Variants in TMIGD3 observed in about 807,000 individuals in gnomAD.
TMIGD3 encodes AD026 protein (AD026).
TMIGD3 carries 21 observed loss-of-function variants against 28.1 expected under a neutral mutation model. The ratio of observed to expected loss-of-function variants is 0.75; its 90% CI spans 0.53 to 1.08. The LOEUF (loss-of-function observed/expected upper bound fraction) is 1.08. Among genes scored for constraint, TMIGD3 ranks in the 50% least tolerant of loss-of-function variants. TMIGD3 has a pLI of 0.00. For synonymous variants in TMIGD3, 151 were observed against 162.1 expected (o/e 0.93, Z 0.52); for missense variants, 416 against 435.6 (o/e 0.96, Z 0.40).
chr1:111,497,954 C>T (rs1342650611), intron 1 of TMIGD3, among the ~76,000 whole-genome samples: 3 of 152,136 alleles, frequency 2.0e-5, no homozygotes, highest in African/African-American at 7.2e-5. Flanking sequence ...TCTCATTTCT[C>T]CAATGGGGCA....
chr1:111,525,013 T>C (rs1232370565), intron 1 of TMIGD3, among the ~76,000 whole-genome samples: 4 of 152,264 alleles, frequency 2.6e-5, no homozygotes, highest in Non-Finnish European at 4.4e-5. Flanking sequence ...TATCTTGTTA[T>C]TATTGACTTC....
intron 1 of TMIGD3, among the ~76,000 whole-genome samples, chr1:111,541,549 C>T (rs539312312): frequency 1.3e-5 from 2 of 152,190 alleles, no homozygotes; most frequent in South Asian, 2.1e-4. Context: ...CAAGTGGTGA[C>T]GCTTGGCAGA....
intron 1 of TMIGD3, among the ~76,000 whole-genome samples, chr1:111,520,414 A>G (rs1241182438): frequency 6.6e-6 from 1 of 152,214 alleles, no homozygotes; most frequent in African/African-American, 2.4e-5. Context: ...AGATAATAAG[A>G]TGATGATGGC....
In TMIGD3 at chr1:111,500,510, G is replaced by A. The variant is rs752694650; in HGVS notation, c.350+2495C>T. Reference sequence around the variant, plus strand: ...ACCAGGAATGACACCAGCCAGCAAAGGCCCAGGGCCAGCCATATTCTTCTG... The same window carrying A: ...ACCAGGAATGACACCAGCCAGCAAAAGCCCAGGGCCAGCCATATTCTTCTG... On this transcript the variant is annotated intron_variant, in intron 1 of 5. Transcript: ENST00000369716. The A allele has an allele frequency of 8.7e-6, 14 of 1,614,076 alleles. No individual in the cohort carries two copies. The South Asian group carries it at 1.5e-4, about 18-fold the overall frequency.
In TMIGD3 at chr1:111,488,943, T is replaced by C. The variant is rs1654520294; in HGVS notation, c.539A>G (p.Tyr180Cys). 6.2e-7 allele frequency: 1 copy of C among 1,614,084 alleles called. No homozygotes were observed. Among genetic ancestry groups the C allele is most frequent in the African/African-American group, 1.3e-5 (1 of 74,920 alleles). The change falls in exon 3 of 6, where the codon TAC becomes TGC. Residue 180 changes from tyrosine (Y) to cysteine (C), a missense_variant. Tyr to Cys is a radical substitution (Grantham distance 194). Transcript: ENST00000369716. ...GCACCAGTATTTGGGGTGATTCTTG[T>C]AGTGGGCATTGTAGTTGCAGATGGC... The part of the protein sequence containing the change: ...ASAICNYNAH[Y>C]KNHPKYWCRG...
intron 1 of TMIGD3, among the ~76,000 whole-genome samples, chr1:111,515,172 A>G (rs948391040): frequency 1.3e-5 from 2 of 152,194 alleles, no homozygotes; most frequent in East Asian, 1.9e-4. Context: ...CAGCTCTTCC[A>G]CTGCGGAGGG....
intron 1 of TMIGD3, among the ~76,000 whole-genome samples, chr1:111,523,854 C>G (rs1656161337): frequency 6.6e-6 from 1 of 151,784 alleles, no homozygotes; most frequent in South Asian, 2.1e-4. Flanking sequence ...CTTGATCAAT[C>G]AGACTAAGGT....
chr1:111,487,183 T>C (rs994484295), intron 3 of TMIGD3, among the ~76,000 whole-genome samples: 4 of 152,196 alleles, frequency 2.6e-5, no homozygotes, highest in African/African-American at 9.6e-5. Context: ...TGTGTTTCAT[T>C]TAAACTAAGG....
intron 1 of TMIGD3, among the ~76,000 whole-genome samples, chr1:111,549,565 G>A (rs113841441): frequency 0.33 from 49,432 of 150,514 alleles, 9,282 homozygotes; most frequent in Non-Finnish European, 0.43. Flanking sequence ...CAGGAGAATC[G>A]CTTGAACTGA....
intron 1 of TMIGD3, among the ~76,000 whole-genome samples, chr1:111,561,123 GGTTT>G (rs1004112234): frequency 2.0e-5 from 3 of 151,988 alleles, no homozygotes; most frequent in South Asian, 2.1e-4. Context: ...TTTGTTTGTT[GGTTT>G]GTTTGTTTGT....
At chr1:111,510,622 C>A (rs571626374) in intron 1 of TMIGD3, among the ~76,000 whole-genome samples, 1 of 152,116 alleles carries the variant, frequency 6.6e-6, no homozygotes, top group Non-Finnish European at 1.5e-5. Context: ...CTTTGTGCCC[C>A]ATATCATTCC....
chr1:111,515,687 A>T (rs1382907249), intron 1 of TMIGD3, among the ~76,000 whole-genome samples: 1 of 152,092 alleles, frequency 6.6e-6, no homozygotes, highest in Non-Finnish European at 1.5e-5. Flanking sequence ...GGCGCCGGGG[A>T]CTGTGGCCCC....
At chr1:111,494,732 C>G (rs561081194) in intron 1 of TMIGD3, among the ~76,000 whole-genome samples, 1 of 152,310 alleles carries the variant, frequency 6.6e-6, no homozygotes, top group South Asian at 2.1e-4. Context: ...TATGACATTA[C>G]TCAACTTCAA....
At chr1:111,499,630 A>G in intron 1 of TMIGD3, 2 of 1,117,548 alleles carry the variant, frequency 1.8e-6, no homozygotes, top group Middle Eastern at 4.2e-4. Context: ...TTTTGTCAGT[A>G]AGTCAACTAG....
chr1:111,544,776 A>C (rs996127598), intron 1 of TMIGD3, among the ~76,000 whole-genome samples: 2 of 150,904 alleles, frequency 1.3e-5, no homozygotes, highest in African/African-American at 4.9e-5. Flanking sequence ...AATTTGGTAC[A>C]TACCCAATTT....
intron 1 of TMIGD3, among the ~76,000 whole-genome samples, chr1:111,563,354 T>A (rs1657822052): frequency 6.6e-6 from 1 of 152,208 alleles, no homozygotes; most frequent in South Asian, 2.1e-4. Flanking sequence ...ACTGTCTATC[T>A]GGGGAGATAA....
chr1:111,484,303 G>C (rs992162174), intron 5 of TMIGD3, among the ~76,000 whole-genome samples: 9 of 152,150 alleles, frequency 5.9e-5, no homozygotes, highest in Non-Finnish European at 1.3e-4. Flanking sequence ...CCAGCATCTA[G>C]CTAGCATGGT....
intron 1 of TMIGD3, among the ~76,000 whole-genome samples, chr1:111,562,739 A>G (rs936286119): frequency 2.0e-5 from 3 of 152,246 alleles, no homozygotes; most frequent in African/African-American, 7.2e-5. Context: ...CTCTGCCTGG[A>G]TCAGGAGGCC....
upstream of TMIGD3, chr1:111,504,001 G>C (rs142910659): frequency 1.4e-4 from 136 of 985,378 alleles, no homozygotes; most frequent in African/African-American, 2.2e-3. Flanking sequence ...GAGAAGCAGA[G>C]GAACAAAAAA....
Sources: allele counts gnomAD v4.1 joint callset (sites outside exome capture counted in the v4.1 genomes callset), GRCh38; gene constraint gnomAD v4.1.1; transcripts MANE v1.5; gene names NCBI Gene and HGNC (gene_info 2026-07-23, HGNC 2026-07-21).